Variants in PCDHAC1 observed in about 807,000 individuals in gnomAD.
PCDHAC1 encodes protocadherin alpha-C1.
In PCDHAC1, 42 loss-of-function variants were observed where a neutral mutation model predicts 60.0. That is an observed-to-expected ratio of 0.70 (90% CI 0.55 to 0.90). The LOEUF (loss-of-function observed/expected upper bound fraction) is 0.90. PCDHAC1 is among the 40% of genes least tolerant of loss of function. PCDHAC1 has a pLI of 0.00. For missense variants in PCDHAC1, 1,160 were observed against 1,222.3 expected, an observed-to-expected ratio of 0.95 and a Z score of 0.76; for synonymous variants, 468 against 499.3, an observed-to-expected ratio of 0.94 and a Z score of 0.84.
intron 3 of PCDHAC1, among the ~76,000 whole-genome samples, chr5:141,007,174 G>A (rs926344346): frequency 6.6e-6 from 1 of 152,118 alleles, no homozygotes; most frequent in African/African-American, 2.4e-5. Context: ...AGAGAGAAAG[G>A]TCAGGAGAAT....
At chr5:140,942,527 AACTC>A (rs1420689882) in intron 1 of PCDHAC1, among the ~76,000 whole-genome samples, 2 of 152,162 alleles carry the variant, frequency 1.3e-5, no homozygotes, top group Non-Finnish European at 2.9e-5. Flanking sequence ...GGAAGCAACT[AACTC>A]AGTATGGTGG....
At chr5:140,932,794 G>A (rs945877357) in intron 1 of PCDHAC1, among the ~76,000 whole-genome samples, 46 of 151,806 alleles carry the variant, frequency 3.0e-4, no homozygotes, top group African/African-American at 4.8e-5. Flanking sequence ...TAAGAGAAAA[G>A]CAATACCTTG....
rs79233681 is a variant in PCDHAC1 at position 140,965,822 on chromosome 5, A to T, written c.2434-13127A>T. Among the ~76,000 whole-genome samples the T allele has an allele frequency of 5.2e-3, 789 of 152,324 alleles. 9 individuals are homozygous for T. The highest frequency in any genetic ancestry group is 0.018 in the African/African-American group (747 of 41,576). On this transcript the variant is annotated intron_variant, in intron 1 of 3. Coordinates refer to ENST00000253807, the MANE Select transcript of PCDHAC1 (RefSeq NM_018898.5). The stretch of plus-strand genomic sequence containing the variant: ...TTTTTTTAAACAGAGCATTTTAAAC[A>T]TTTAAATATTGGTTATTTGCCAAGG...
intron 1 of PCDHAC1, among the ~76,000 whole-genome samples, chr5:140,957,571 G>C (rs2095367794): frequency 6.6e-6 from 1 of 152,186 alleles, no homozygotes; most frequent in South Asian, 2.1e-4. Context: ...AGGGACTACT[G>C]TACTTTTAAC....
At chr5:140,937,786 T>C (rs246073) in intron 1 of PCDHAC1, among the ~76,000 whole-genome samples, 52,378 of 148,788 alleles carry the variant, frequency 0.35, 9,253 homozygotes, top group East Asian at 0.54. Flanking sequence ...GTGGCGGGCG[T>C]ATGTAGTCCC....
chr5:140,972,080 AAG>A (rs1446545098), intron 1 of PCDHAC1, among the ~76,000 whole-genome samples: 8 of 152,208 alleles, frequency 5.3e-5, no homozygotes, highest in African/African-American at 1.9e-4. Flanking sequence ...CTTTTGGAAA[AAG>A]AGTAATTTCT....
In PCDHAC1 at chr5:140,983,053, C is replaced by T. The variant is rs571565176; in HGVS notation, c.2581+490C>T. 3.3e-5 allele frequency among the ~76,000 whole-genome samples: 5 copies of T among 151,988 alleles called. No homozygotes were observed. In the East Asian group the frequency reaches 5.8e-4, roughly 18 times the overall value. On this transcript the variant is annotated intron_variant, in intron 3 of 3. Transcript: ENST00000253807. ...GTTTCTCATGGAAGTGGAAAATTAT[C>T]GGAACCAAGGCATTGTTTTGAGTTC...
chr5:140,960,606 T>C (rs565459983), intron 1 of PCDHAC1, among the ~76,000 whole-genome samples: 2 of 152,176 alleles, frequency 1.3e-5, no homozygotes, highest in African/African-American at 4.8e-5. Context: ...ACTTCAACAA[T>C]ATCTAGTGTG....
At chr5:140,965,496 ATT>A (rs71766133) in intron 1 of PCDHAC1, among the ~76,000 whole-genome samples, 87 of 146,352 alleles carry the variant, frequency 5.9e-4, no homozygotes, top group Middle Eastern at 3.6e-3. Context: ...ATGACAGCAG[ATT>A]TTTTTTTTTT....
In PCDHAC1 at chr5:140,927,843, C is replaced by T. The variant is rs1563097859; in HGVS notation, c.951C>T (p.Val317=). 1.2e-6 allele frequency: 2 copies of T among 1,614,186 alleles called. No homozygotes were observed. The highest frequency in any genetic ancestry group is 1.7e-6 in the Non-Finnish European group (2 of 1,180,038). ...ACATTGAGGCGAGGGACGAAGGTGT[C>T]TTTGGTTTAGCTAGCACCGCTAAAC... ...EAYIEARDEG[V]FGLASTAKLL... is the part of the protein sequence containing the mutation. The change falls in exon 1 of 4, where the codon GTC becomes GTT. Residue 317 remains valine (V), a synonymous_variant. Transcript: ENST00000253807.
Position 140,926,981 on chromosome 5 carries a change from C to T in PCDHAC1, c.89C>T (p.Thr30Met), listed in dbSNP as rs1420415867. Residue 30 changes from threonine (T) to methionine (M), a missense_variant, in exon 1 of 4, where the codon ACG (threonine) becomes ATG (methionine). Around this residue, in one of 3 missense-constraint regions of PCDHAC1, gnomAD observed 43 missense variants for 40.4 expected, o/e 1.06. Transcript: ENST00000253807. ...CTCGAGTACTCAGTGCCGGAGGAGA[C>T]GGAGCGGGGCGTAGCCGTAGGCAAT... Reference protein sequence around the residue: ...GQLEYSVPEETERGVAVGNLS... With the variant: ...GQLEYSVPEEMERGVAVGNLS... 1.9e-6 allele frequency: 3 copies of T among 1,610,216 alleles called. No homozygotes were observed. Among genetic ancestry groups the T allele is most frequent in the Admixed American group, 1.7e-5 (1 of 59,824 alleles).
At chr5:140,940,080 T>C (rs1213223425) in intron 1 of PCDHAC1, among the ~76,000 whole-genome samples, 3 of 152,248 alleles carry the variant, frequency 2.0e-5, no homozygotes, top group African/African-American at 7.2e-5. Flanking sequence ...GATATCTTTC[T>C]GCTAAATTGA....
chr5:140,965,855 T>G (rs961780781), intron 1 of PCDHAC1, among the ~76,000 whole-genome samples: 1 of 152,226 alleles, frequency 6.6e-6, no homozygotes, highest in African/African-American at 2.4e-5. Context: ...AGGCACACAC[T>G]GAAAATAAGG....
chr5:140,951,318 G>C (rs2094570791), intron 1 of PCDHAC1, among the ~76,000 whole-genome samples: 1 of 152,038 alleles, frequency 6.6e-6, no homozygotes, highest in Non-Finnish European at 1.5e-5. Context: ...TGTTATTCTT[G>C]AGATTCATCA....
intron 1 of PCDHAC1, among the ~76,000 whole-genome samples, chr5:140,952,040 G>T (rs1243206064): frequency 1.3e-5 from 2 of 152,216 alleles, no homozygotes; most frequent in African/African-American, 4.8e-5. Context: ...CAGTAGGGCA[G>T]TTATTAAATC....
At chr5:140,936,244 T>C (rs879962489) in intron 1 of PCDHAC1, among the ~76,000 whole-genome samples, 13 of 152,192 alleles carry the variant, frequency 8.5e-5, no homozygotes, top group Non-Finnish European at 1.6e-4. Context: ...AGAAAACATA[T>C]CCTGCTTCAA....
At chr5:140,971,692 C>G (rs2096492766) in intron 1 of PCDHAC1, among the ~76,000 whole-genome samples, 1 of 152,116 alleles carries the variant, frequency 6.6e-6, no homozygotes, top group South Asian at 2.1e-4. Context: ...TTTGTACTCA[C>G]TAACCACCCT....
At chr5:141,005,725 A>AAAAAAG (rs2098234610) in intron 3 of PCDHAC1, among the ~76,000 whole-genome samples, 2 of 150,088 alleles carry the variant, frequency 1.3e-5, no homozygotes, top group Admixed American at 6.6e-5. Flanking sequence ...AAAAAAAAAA[A>AAAAAAG]AAAAAAGAAT....
At chr5:140,938,887 A>ACG (rs2092246756) in intron 1 of PCDHAC1, among the ~76,000 whole-genome samples, 1 of 152,094 alleles carries the variant, frequency 6.6e-6, no homozygotes, top group South Asian at 2.1e-4. Flanking sequence ...ACACACACAC[A>ACG]CACAGATGCG....
Sources: allele counts gnomAD v4.1 joint callset (sites outside exome capture counted in the v4.1 genomes callset), GRCh38; gene constraint gnomAD v4.1.1; regional missense constraint gnomAD v4.1.1; transcripts MANE v1.5; gene names NCBI Gene and HGNC (gene_info 2026-07-23, HGNC 2026-07-21).